ZNF267: variants seen among roughly 807,000 people sequenced by gnomAD.
ZNF267 encodes zinc finger protein 267.
A neutral mutation model predicts 71.6 loss-of-function variants in ZNF267; 61 were observed. That is an observed-to-expected ratio of 0.85 (90% CI 0.69 to 1.05). The LOEUF (loss-of-function observed/expected upper bound fraction) is 1.05. Among genes scored for constraint, ZNF267 ranks in the 50% least tolerant of loss-of-function variants. ZNF267 has a pLI of 0.00. For synonymous variants in ZNF267, 288 were observed against 293.2 expected, an observed-to-expected ratio of 0.98 and a Z score of 0.18; for missense variants, 852 against 870.0, an observed-to-expected ratio of 0.98 and a Z score of 0.26.
Position 31,904,980 on chromosome 16 carries a change from G to C in ZNF267, c.227-9496G>C, listed in dbSNP as rs535968381. ...TCAGGAGCTCTTGTAGGGCAGGCCT[G>C]GTGGTGACAAAATCTCTCAGCATTT... On this transcript the variant is annotated intron_variant, in intron 3 of 3. Coordinates refer to ENST00000300870, the MANE Select transcript of ZNF267 (RefSeq NM_003414.6). 2.7e-3 allele frequency among the ~76,000 whole-genome samples: 413 copies of C among 152,240 alleles called. 4 individuals are homozygous for C. Among genetic ancestry groups the C allele is most frequent in the African/African-American group, 9.7e-3 (403 of 41,530 alleles).
At chr16:31,890,119 T>A (rs2083950177) in intron 3 of ZNF267, 1 of 152,230 alleles carries the variant, frequency 6.6e-6, no homozygotes, top group Non-Finnish European at 1.5e-5. Context: ...TGATAAAATA[T>A]TGTCTATTTA....
intron 3 of ZNF267, among the ~76,000 whole-genome samples, chr16:31,903,047 T>C (rs1469567949): frequency 2.0e-5 from 3 of 152,238 alleles, no homozygotes; most frequent in African/African-American, 7.2e-5. Flanking sequence ...GAGATAATCA[T>C]GTGGTTTTTG....
At chr16:31,899,290 C>T (rs2084021578) in intron 3 of ZNF267, among the ~76,000 whole-genome samples, 1 of 152,192 alleles carries the variant, frequency 6.6e-6, no homozygotes, top group East Asian at 1.9e-4. Context: ...AAGTAAAACA[C>T]TCTTCAGCAA....
chr16:31,894,494 G>T, intron 3 of ZNF267: 1 of 484,580 alleles, frequency 2.1e-6, no homozygotes, highest in Non-Finnish European at 4.1e-6. Context: ...AGAATCATTA[G>T]CTCTTTGTGT....
rs528998273 is a variant in ZNF267 at position 31,874,069 on chromosome 16, C to T, written c.3+100C>T. On this transcript the variant is annotated intron_variant, in intron 1 of 3. Transcript: ENST00000300870. ...GCACCCGGGCCTCCCCGCAGTCAGC[C>T]TCGGGGTCTGGGCCCCGAGTCCCAA... 2.7e-5 allele frequency: 37 copies of T among 1,386,430 alleles called. 1 individual carries two copies. In the African/African-American group the frequency reaches 3.0e-4, roughly 11 times the overall value. 85.9% of individuals were successfully genotyped at this position (1,386,430 alleles called of 1,614,324 possible). A position where few individuals can be genotyped will look rare whatever the true frequency, so the allele number is the denominator to read the frequency against.
chr16:31,893,030 C>T (rs1039031490), intron 3 of ZNF267, among the ~76,000 whole-genome samples: 1 of 152,258 alleles, frequency 6.6e-6, no homozygotes, highest in African/African-American at 2.4e-5. Flanking sequence ...TCTGCACTGC[C>T]CTAGCAGAGG....
chr16:31,875,148 A>C, intron 1 of ZNF267: 10 of 1,289,136 alleles, frequency 7.8e-6, no homozygotes, highest in Non-Finnish European at 1.0e-5. Context: ...TGGAAACTTT[A>C]CAGGGCCCTG....
At chr16:31,889,833 C>G (rs1488373731) in intron 3 of ZNF267, among the ~76,000 whole-genome samples, 1 of 152,126 alleles carries the variant, frequency 6.6e-6, no homozygotes, top group Non-Finnish European at 1.5e-5. Flanking sequence ...ATTCAGACAC[C>G]CCATATTAGG....
intron 1 of ZNF267, among the ~76,000 whole-genome samples, chr16:31,883,827 C>T (rs1189816569): frequency 6.6e-6 from 1 of 152,208 alleles, no homozygotes; most frequent in Non-Finnish European, 1.5e-5. Context: ...CTCTGCTATT[C>T]AAAAGTGGCT....
At chr16:31,884,736 A>C in intron 2 of ZNF267, 112 bp downstream of exon 2, 3 of 1,203,512 alleles carry the variant, frequency 2.5e-6, no homozygotes, top group South Asian at 3.5e-5. Flanking sequence ...TCTTGTTTTC[A>C]GGAAAAAAAT....
intron 3 of ZNF267, among the ~76,000 whole-genome samples, chr16:31,908,908 G>T (rs4889569): frequency 0.86 from 131,133 of 151,676 alleles, 58,733 homozygotes; most frequent in East Asian, 1. Flanking sequence ...TGAGTCTTTT[G>T]TGGTTCCATA....
At chr16:31,885,121 A>C (rs1567472662) in intron 2 of ZNF267, 40 bp from the exon 3 acceptor site, 2 of 1,499,940 alleles carry the variant, frequency 1.3e-6, no homozygotes, top group Non-Finnish European at 1.8e-6. Flanking sequence ...AATAAAAAGA[A>C]CCCTCATTAA....
Position 31,915,773 on chromosome 16 carries a change from T to G in ZNF267, c.1524T>G (p.Thr508=), listed in dbSNP as rs559723367. The change falls in exon 4 of 4, where the codon ACT becomes ACG. Residue 508 remains threonine (T), a synonymous_variant. Transcript: ENST00000300870. The part of the protein sequence containing the change: ...GKVFSRSSCL[T]QHRKIHTGEN... ...TCTTTAGCCGTAGTTCTTGCCTTACTCAACATCGGAAAATTCATACTGGAG... is the reference window on the plus strand; with the variant it reads ...TCTTTAGCCGTAGTTCTTGCCTTACGCAACATCGGAAAATTCATACTGGAG... 8 of 1,613,382 alleles carry G rather than the reference T, an allele frequency of 5.0e-6. No homozygotes were observed. The South Asian group carries it at 6.6e-5, about 13-fold the overall frequency.
At chr16:31,874,231 G>A in intron 1 of ZNF267, 1 of 458,830 alleles carries the variant, frequency 2.2e-6, no homozygotes, top group South Asian at 3.2e-5. Context: ...GGGCAGCTCC[G>A]CGTCGCAGCC....
chr16:31,875,723 T>A (rs1020313271), intron 1 of ZNF267, among the ~76,000 whole-genome samples: 1 of 152,212 alleles, frequency 6.6e-6, no homozygotes, highest in African/African-American at 2.4e-5. Context: ...TTGAGCCAGA[T>A]ATGTCTGTAT....
intron 3 of ZNF267, among the ~76,000 whole-genome samples, chr16:31,889,141 A>G (rs1400104648): frequency 8.2e-6 from 1 of 122,548 alleles, no homozygotes; most frequent in Non-Finnish European, 1.8e-5. Flanking sequence ...CTGCTTTTTC[A>G]TTAATAGCTT....
chr16:31,883,721 A>G (rs777729191), intron 1 of ZNF267, among the ~76,000 whole-genome samples: 5 of 152,260 alleles, frequency 3.3e-5, no homozygotes, highest in Non-Finnish European at 5.9e-5. Flanking sequence ...TGCATGTTCA[A>G]AAAGGATTAC....
At chr16:31,894,241 C>G (rs1316271260) in intron 3 of ZNF267, among the ~76,000 whole-genome samples, 1 of 152,330 alleles carries the variant, frequency 6.6e-6, no homozygotes, top group East Asian at 1.9e-4. Flanking sequence ...GAAAATCTTT[C>G]AGATCCTCTT....
chr16:31,909,540 T>C (rs929229082), intron 3 of ZNF267, among the ~76,000 whole-genome samples: 1 of 152,256 alleles, frequency 6.6e-6, no homozygotes, highest in South Asian at 2.1e-4. Flanking sequence ...GTGGCTACTG[T>C]AAATGGAATT....
Sources: allele counts gnomAD v4.1 joint callset (sites outside exome capture counted in the v4.1 genomes callset), GRCh38; gene constraint gnomAD v4.1.1; transcripts MANE v1.5; gene names NCBI Gene and HGNC (gene_info 2026-07-23, HGNC 2026-07-21).